ANO3: variants seen among roughly 807,000 people sequenced by gnomAD.
The protein encoded by ANO3 is anoctamin 3, also known as anoctamin-3.
In ANO3, 99 loss-of-function variants were observed where a neutral mutation model predicts 144.8. That is an observed-to-expected ratio of 0.68 (90% CI 0.58 to 0.81). The LOEUF (loss-of-function observed/expected upper bound fraction) is 0.81. Among genes scored for constraint, ANO3 ranks in the 30% least tolerant of loss-of-function variants. The pLI is 0.00. For missense variants in ANO3, 905 were observed against 1,202.2 expected, an observed-to-expected ratio of 0.75 and a Z score of 3.66; for synonymous variants, 414 against 392.6, an observed-to-expected ratio of 1.05 and a Z score of -0.64.
At chr11:26,462,764 G>A (rs1446322324) in intron 3 of ANO3, among the ~76,000 whole-genome samples, 1 of 151,754 alleles carries the variant, frequency 6.6e-6, no homozygotes, top group African/African-American at 2.4e-5. Flanking sequence ...GAAGTACATT[G>A]AATAGCATAG....
At chr11:26,534,115 G>A (rs1217555945) in intron 8 of ANO3, among the ~76,000 whole-genome samples, 4 of 152,114 alleles carry the variant, frequency 2.6e-5, no homozygotes, top group Non-Finnish European at 1.5e-5. Context: ...TGGAAAGCAT[G>A]GTATGGGGGA....
At chr11:26,461,140 C>T (rs1311037576) in intron 3 of ANO3, among the ~76,000 whole-genome samples, 3 of 151,792 alleles carry the variant, frequency 2.0e-5, no homozygotes, top group Admixed American at 1.3e-4. Flanking sequence ...GAGTGCCTAC[C>T]GGGGGAAAGG....
intron 1 of ANO3, among the ~76,000 whole-genome samples, chr11:26,319,355 C>G (rs1473414690): frequency 2.6e-5 from 4 of 152,030 alleles, no homozygotes; most frequent in Non-Finnish European, 4.4e-5. Context: ...CCATCTTAAC[C>G]TGCCCACCCA....
intron 14 of ANO3, among the ~76,000 whole-genome samples, chr11:26,591,099 G>A (rs1851436810): frequency 6.6e-6 from 1 of 152,152 alleles, no homozygotes; most frequent in African/African-American, 2.4e-5. Flanking sequence ...TTGGTTGGGT[G>A]TGAGGTGAGT....
At chr11:26,369,466 T>C (rs1856188106) in intron 1 of ANO3, among the ~76,000 whole-genome samples, 1 of 152,166 alleles carries the variant, frequency 6.6e-6, no homozygotes, top group South Asian at 2.1e-4. Context: ...TTTGTTTCAA[T>C]ATGAGAGATC....
chr11:26,421,392 GC>G (rs1857747559), intron 1 of ANO3, among the ~76,000 whole-genome samples: 2 of 151,880 alleles, frequency 1.3e-5, no homozygotes. Context: ...GAATGAATAT[GC>G]TTTGACTACA....
At position 26,269,341 on chromosome 11, in the gene ANO3, G is replaced by T. The variant is rs144285611; in HGVS notation, c.155-40304G>T. On this transcript the variant is annotated intron_variant, in intron 1 of 27. Transcript: ENST00000672621. ...ATTGGAGGGTGTGGGAAGGGGAGAC[G>T]TGGAAGGCACGTTTTCTTCACTCTT... Among the ~76,000 whole-genome samples, 16 of 152,292 alleles carry T rather than the reference G, an allele frequency of 1.1e-4. No individual in the cohort carries two copies. In the East Asian group the frequency reaches 2.5e-3, roughly 24 times the overall value.
intron 14 of ANO3, among the ~76,000 whole-genome samples, chr11:26,595,876 T>C (rs1851612136): frequency 6.6e-6 from 1 of 152,234 alleles, no homozygotes; most frequent in African/African-American, 2.4e-5. Context: ...GTGCTCACAA[T>C]GAGGTTTCCT....
chr11:26,300,055 CT>C (rs1311410420), intron 1 of ANO3, among the ~76,000 whole-genome samples: 1 of 152,108 alleles, frequency 6.6e-6, no homozygotes, highest in East Asian at 1.9e-4. Flanking sequence ...AATATTTTGA[CT>C]GCTGGGCACC....
intron 5 of ANO3, among the ~76,000 whole-genome samples, chr11:26,516,416 G>A (rs894370376): frequency 6.6e-6 from 1 of 150,858 alleles, no homozygotes; most frequent in African/African-American, 2.5e-5. Context: ...AAATGTGGTA[G>A]AAAAATTAGT....
At chr11:26,360,848 G>A (rs1855907369) in intron 1 of ANO3, among the ~76,000 whole-genome samples, 1 of 152,118 alleles carries the variant, frequency 6.6e-6, no homozygotes. Flanking sequence ...ACTCATTTTA[G>A]TGGAGTTTGG....
intron 1 of ANO3, among the ~76,000 whole-genome samples, chr11:26,286,734 A>G (rs1306432134): frequency 6.6e-6 from 1 of 152,164 alleles, no homozygotes; most frequent in Non-Finnish European, 1.5e-5. Flanking sequence ...GTCTCCATAC[A>G]AGATAGACAC....
chr11:26,593,969 TGAA>T (rs748785083), intron 14 of ANO3, among the ~76,000 whole-genome samples: 7 of 152,164 alleles, frequency 4.6e-5, no homozygotes, highest in Non-Finnish European at 7.4e-5. Context: ...GGCGGACTTT[TGAA>T]GTTTTTTTCT....
intron 24 of ANO3, among the ~76,000 whole-genome samples, chr11:26,648,708 G>A (rs1239013222): frequency 1.3e-5 from 2 of 152,216 alleles, no homozygotes; most frequent in Admixed American, 1.3e-4. Context: ...CATTGGATTT[G>A]AGGAACGGAG....
At chr11:26,563,358 T>A in intron 14 of ANO3, 1 of 1,276,190 alleles carries the variant, frequency 7.8e-7, no homozygotes, top group Non-Finnish European at 1.1e-6. Context: ...AAAGAATGTT[T>A]AACATTTTAA....
chr11:26,500,245 T>C (rs1169958889), intron 4 of ANO3, among the ~76,000 whole-genome samples: 3 of 152,066 alleles, frequency 2.0e-5, no homozygotes, highest in Non-Finnish European at 2.9e-5. Context: ...TTTACTATTA[T>C]GAATAATGTT....
intron 3 of ANO3, 29 bp from the exon 4 acceptor site, chr11:26,462,999 ATG>A: frequency 8.6e-7 from 1 of 1,160,994 alleles, no homozygotes; most frequent in Non-Finnish European, 1.2e-6. Flanking sequence ...AACTATAGAA[ATG>A]GATATAACTT....
chr11:26,198,267 A>C (rs1417664914), intron 1 of ANO3, among the ~76,000 whole-genome samples: 1 of 152,208 alleles, frequency 6.6e-6, no homozygotes, highest in Non-Finnish European at 1.5e-5. Flanking sequence ...TTAAATTCAT[A>C]TCCTGGATAT....
Position 26,544,269 on chromosome 11 carries a change from TATATAC to T in ANO3, c.1154+2203_1154+2208del, listed in dbSNP as rs1428712945. On this transcript the variant is annotated intron_variant, in intron 11 of 26. Transcript: ENST00000256737. The stretch of plus-strand genomic sequence containing the variant: ...CATTATACATATATATATATATATA[TATATAC>T]ACACATACACACACACACACACATA... Among the ~76,000 whole-genome samples the T allele has an allele frequency of 1.7e-4, 13 of 76,940 alleles. 1 individual carries two copies. The highest frequency in any genetic ancestry group is 4.9e-4 in the African/African-American group (11 of 22,300). 50.5% of individuals were successfully genotyped at this position (76,940 alleles called of 152,430 possible). A position where few individuals can be genotyped will look rare whatever the true frequency, so the allele number is the denominator to read the frequency against.
Sources: allele counts gnomAD v4.1 joint callset (sites outside exome capture counted in the v4.1 genomes callset), GRCh38; gene constraint gnomAD v4.1.1; transcripts MANE v1.5; gene names NCBI Gene and HGNC (gene_info 2026-07-23, HGNC 2026-07-21).